The following C10orf90 variants were observed in gnomAD, a reference collection of about 807,000 sequenced individuals.
C10orf90 encodes (E2-independent) E3 ubiquitin-conjugating enzyme FATS.
Under a neutral mutation model 62.5 loss-of-function variants are expected in C10orf90, and 56 were observed. That is an observed-to-expected ratio of 0.90 (90% CI 0.72 to 1.12). C10orf90 has a LOEUF of 1.12. Ranked by LOEUF, C10orf90 falls within the 50% of genes most tolerant of loss-of-function variation. C10orf90 has a pLI of 0.00. For synonymous variants in C10orf90, 386 were observed against 340.4 expected (o/e 1.13, Z -1.47); for missense variants, 970 against 880.4 (o/e 1.10, Z -1.29).
chr10:126,629,728 G>A (rs1845815227), intron 2 of C10orf90, among the ~76,000 whole-genome samples: 1 of 152,200 alleles, frequency 6.6e-6, no homozygotes. Context: ...TGAATGTTTT[G>A]TATTCCAGGT....
At chr10:126,506,267 G>T (rs1862725451) in intron 3 of C10orf90, among the ~76,000 whole-genome samples, 1 of 152,198 alleles carries the variant, frequency 6.6e-6, no homozygotes, top group African/African-American at 2.4e-5. Flanking sequence ...ATACTCATTT[G>T]TTTCTATTAT....
intron 4 of C10orf90, among the ~76,000 whole-genome samples, chr10:126,478,562 C>T (rs747171937): frequency 5.3e-5 from 8 of 152,150 alleles, no homozygotes; most frequent in African/African-American, 9.7e-5. Flanking sequence ...GCAGGAAGCC[C>T]GTTTGCTAAA....
chr10:126,458,935 T>G, intron 7 of C10orf90, 105 bp downstream of exon 7: 1 of 1,220,210 alleles, frequency 8.2e-7, no homozygotes. Flanking sequence ...GTTCTGCGTA[T>G]GTCAGTGGCA....
chr10:126,454,308 A>G (rs1859396335), intron 7 of C10orf90, among the ~76,000 whole-genome samples: 1 of 151,600 alleles, frequency 6.6e-6, no homozygotes, highest in South Asian at 2.1e-4. Flanking sequence ...GACCTGTAGG[A>G]GTTGCACCCC....
chr10:126,433,480 C>T (rs941557257), intron 7 of C10orf90, among the ~76,000 whole-genome samples: 8 of 152,128 alleles, frequency 5.3e-5, no homozygotes, highest in Non-Finnish European at 1.0e-4. Flanking sequence ...GTGGGTGAAA[C>T]GGCAGCCCAG....
At chr10:126,632,920 T>C (rs1845878200) in intron 2 of C10orf90, among the ~76,000 whole-genome samples, 1 of 152,120 alleles carries the variant, frequency 6.6e-6, no homozygotes, top group Non-Finnish European at 1.5e-5. Flanking sequence ...ACACCAAAAC[T>C]GCCGACCTGC....
At chr10:126,649,064 CTCT>C (rs1846234307) in intron 1 of C10orf90, among the ~76,000 whole-genome samples, 5 of 60,724 alleles carry the variant, frequency 8.2e-5, no homozygotes, top group East Asian at 4.7e-4. Context: ...CTCTCTCTCT[CTCT>C]CTCTCCCCCC....
intron 2 of C10orf90, among the ~76,000 whole-genome samples, chr10:126,606,650 G>A (rs1845318480): frequency 6.6e-6 from 1 of 152,192 alleles, no homozygotes; most frequent in African/African-American, 2.4e-5. Context: ...TTAGGATTAG[G>A]ATTTGCAGCA....
chr10:126,493,178 G>A (rs1861852839), intron 4 of C10orf90, among the ~76,000 whole-genome samples: 1 of 149,156 alleles, frequency 6.7e-6, no homozygotes. Context: ...AAAAAAAAAG[G>A]AAATGAAACA....
intron 4 of C10orf90, among the ~76,000 whole-genome samples, chr10:126,503,380 T>C (rs141492724): frequency 6.6e-6 from 1 of 152,322 alleles, no homozygotes; most frequent in African/African-American, 2.4e-5. Context: ...TACTACTATT[T>C]GGCACAGAGA....
chr10:126,540,708 A>G (rs542735857), intron 2 of C10orf90, among the ~76,000 whole-genome samples: 1 of 152,088 alleles, frequency 6.6e-6, no homozygotes, highest in South Asian at 2.1e-4. Context: ...TAGTGAGAAC[A>G]TACAATGAGA....
At chr10:126,465,312 G>A (rs1860219289) in intron 4 of C10orf90, among the ~76,000 whole-genome samples, 1 of 151,500 alleles carries the variant, frequency 6.6e-6, no homozygotes, top group Non-Finnish European at 1.5e-5. Flanking sequence ...ATAAAATTGA[G>A]GTAAGGCAAT....
intron 7 of C10orf90, among the ~76,000 whole-genome samples, chr10:126,445,523 G>C (rs938586600): frequency 6.6e-6 from 1 of 152,024 alleles, no homozygotes; most frequent in Non-Finnish European, 1.5e-5. Context: ...AGTAGATGTT[G>C]GCGTGGATGC....
chr10:126,429,311 C>A (rs1275925611), intron 8 of C10orf90, among the ~76,000 whole-genome samples: 2 of 152,134 alleles, frequency 1.3e-5, no homozygotes, highest in Non-Finnish European at 2.9e-5. Context: ...ACCAGGAAAC[C>A]TAGCTCACGG....
chr10:126,500,476 G>A (rs1862313218), intron 4 of C10orf90, among the ~76,000 whole-genome samples: 1 of 152,202 alleles, frequency 6.6e-6, no homozygotes, highest in South Asian at 2.1e-4. Context: ...TGGTGCCTAG[G>A]ACTTCTAGAA....
At chr10:126,506,840 A>G (rs1417209596) in intron 3 of C10orf90, among the ~76,000 whole-genome samples, 2 of 152,074 alleles carry the variant, frequency 1.3e-5, no homozygotes, top group African/African-American at 4.8e-5. Flanking sequence ...CAGGACTAAT[A>G]TTTACTGACT....
intron 2 of C10orf90, among the ~76,000 whole-genome samples, chr10:126,544,870 ATTT>A (rs1864455504): frequency 6.6e-6 from 1 of 151,708 alleles, no homozygotes; most frequent in South Asian, 2.1e-4. Context: ...TTGCCTGATG[ATTT>A]TCACTACTAT....
chr10:126,496,911 T>G (rs1461062180), intron 4 of C10orf90, among the ~76,000 whole-genome samples: 1 of 152,216 alleles, frequency 6.6e-6, no homozygotes, highest in Non-Finnish European at 1.5e-5. Flanking sequence ...AATGACTCAG[T>G]TGAATCCTGC....
At position 126,425,980 on chromosome 10, in the gene C10orf90, G is replaced by A. The variant is rs1002391361; in HGVS notation, c.2352+11C>T. The A allele has an allele frequency of 1.9e-5, 30 of 1,613,786 alleles. No individual in the cohort carries two copies. The highest frequency in any genetic ancestry group is 1.6e-4 in the Middle Eastern group (1 of 6,084). On this transcript the variant is annotated intron_variant, in intron 9 of 9. Transcript: ENST00000488181. ...CACACACATCACACCTGCTGGTGAC[G>A]AGGCCATTACCTTTTTGAAGACTTC...
Sources: allele counts gnomAD v4.1 joint callset (sites outside exome capture counted in the v4.1 genomes callset), GRCh38; gene constraint gnomAD v4.1.1; transcripts MANE v1.5; gene names NCBI Gene and HGNC (gene_info 2026-07-23, HGNC 2026-07-21).